Variants in ALG6 observed in about 807,000 individuals in gnomAD.
ALG6 encodes the protein ALG6 alpha-1,3-glucosyltransferase, also known as dolichyl pyrophosphate Man9GlcNAc2 alpha-1,3-glucosyltransferase.
In ALG6, 46 loss-of-function variants were observed where a neutral mutation model predicts 66.6. The observed-to-expected ratio is 0.69, with a 90% CI of 0.55 to 0.88. The LOEUF is 0.88. ALG6 is among the 40% of genes least tolerant of loss of function. The pLI is 0.00. For missense variants in ALG6, 505 were observed against 586.8 expected (o/e 0.86, Z 1.44); for synonymous variants, 185 against 203.7 (o/e 0.91, Z 0.78).
rs1644519272 is a variant in ALG6, at chr1:63,412,072, A to T, written c.816+11A>T. On this transcript the variant is annotated intron_variant, in intron 9 of 14. Coordinates refer to ENST00000263440, the MANE Select transcript of ALG6 (RefSeq NM_013339.4). ...CGTGGATTATTTGAGGCATGTTTAA[A>T]CACTTTCCTCTCCTTTCTGTTACTG... is the stretch of plus-strand genomic sequence containing the variant. 6.2e-7 allele frequency: 1 copy of T among 1,613,944 alleles called. No homozygotes were observed. Among genetic ancestry groups the T allele is most frequent in the Non-Finnish European group, 8.5e-7 (1 of 1,179,928 alleles).
intron 2 of ALG6, among the ~76,000 whole-genome samples, chr1:63,377,510 A>G (rs1348787481): frequency 6.6e-6 from 1 of 152,052 alleles, no homozygotes; most frequent in African/African-American, 2.4e-5. Flanking sequence ...TTCAGGACTT[A>G]TCTGGAAATT....
intron 2 of ALG6, among the ~76,000 whole-genome samples, chr1:63,388,740 T>G (rs1648580845): frequency 6.6e-6 from 1 of 152,242 alleles, no homozygotes; most frequent in Admixed American, 6.5e-5. Context: ...CTTTAGCATT[T>G]CTTGCAGGAT....
chr1:63,421,339 T>C (rs1161058275), intron 12 of ALG6, among the ~76,000 whole-genome samples: 3 of 152,100 alleles, frequency 2.0e-5, no homozygotes, highest in African/African-American at 7.2e-5. Context: ...CTGGAGAGTT[T>C]GTGGAGAAAT....
rs1557600108 is a variant in ALG6, at chr1:63,437,162, CAT to C, written c.*143_*144del. On this transcript the variant is annotated 3_prime_UTR_variant, in exon 15 of 15. Coordinates refer to ENST00000263440, the MANE Select transcript of ALG6 (RefSeq NM_013339.4). Reference sequence around the variant, plus strand: ...CACAGGAAAGGAAATGGTGAAAAGTCATTGTTGTCTACACAAAATAAATGTAT... The same window carrying C: ...CACAGGAAAGGAAATGGTGAAAAGTCTGTTGTCTACACAAAATAAATGTAT... The C allele has an allele frequency of 6.6e-6, 5 of 758,546 alleles. No homozygotes were observed. Among genetic ancestry groups the C allele is most frequent in the Non-Finnish European group, 1.1e-5 (5 of 469,216 alleles). The allele number at this position is 758,546 out of a possible 1,614,324, so 47.0% of individuals were successfully genotyped here.
intron 14 of ALG6, among the ~76,000 whole-genome samples, chr1:63,432,783 T>C (rs914668617): frequency 1.8e-4 from 27 of 152,236 alleles, no homozygotes; most frequent in Admixed American, 1.2e-3. Context: ...GTTGTTGTTG[T>C]TGAGACAGGA....
At chr1:63,409,321 AC>A (rs1048192221) in intron 7 of ALG6, among the ~76,000 whole-genome samples, 9 of 152,094 alleles carry the variant, frequency 5.9e-5, no homozygotes, top group Non-Finnish European at 1.2e-4. Flanking sequence ...GGTGTTTTTC[AC>A]AATTGTTTTG....
chr1:63,415,763 CTTAAG>C (rs1462771208), intron 10 of ALG6, 105 bp from the exon 11 acceptor site: 3 of 642,152 alleles, frequency 4.7e-6, no homozygotes, highest in Non-Finnish European at 7.8e-6. Context: ...TTGAAATAAA[CTTAAG>C]TTGATAAATA....
At chr1:63,387,530 C>CTTTTTT (rs1648535994) in intron 2 of ALG6, among the ~76,000 whole-genome samples, 1 of 60,186 alleles carries the variant, frequency 1.7e-5, no homozygotes, top group East Asian at 6.4e-4. Context: ...CTTTGTCTTT[C>CTTTTTT]TCTTTTTTTT....
At chr1:63,387,532 C>CTGTTTTTTT (rs780187352) in intron 2 of ALG6, among the ~76,000 whole-genome samples, 1 of 59,476 alleles carries the variant, frequency 1.7e-5, no homozygotes, top group Non-Finnish European at 3.0e-5. Flanking sequence ...TTGTCTTTCT[C>CTGTTTTTTT]TTTTTTTTTT....
intron 14 of ALG6, 70 bp from the exon 15 acceptor site, chr1:63,436,753 C>A: frequency 1.4e-6 from 2 of 1,441,458 alleles, no homozygotes; most frequent in Non-Finnish European, 1.9e-6. Context: ...TTAATAGCTA[C>A]AAGTCAATGT....
At chr1:63,405,926 C>T (rs1644487920) in intron 5 of ALG6, among the ~76,000 whole-genome samples, 1 of 151,434 alleles carries the variant, frequency 6.6e-6, no homozygotes, top group South Asian at 2.1e-4. Context: ...TCAATAAAGA[C>T]CAACATTTAA....
At chr1:63,391,917 T>C (rs1449407506) in intron 2 of ALG6, among the ~76,000 whole-genome samples, 1 of 152,200 alleles carries the variant, frequency 6.6e-6, no homozygotes, top group African/African-American at 2.4e-5. Context: ...TACCGTTTCT[T>C]GTAGAGATTC....
At chr1:63,400,723 T>G (rs1392851807) in intron 3 of ALG6, among the ~76,000 whole-genome samples, 2 of 152,104 alleles carry the variant, frequency 1.3e-5, no homozygotes, top group Non-Finnish European at 2.9e-5. Flanking sequence ...AAAATGTGAT[T>G]CTTGAATTAC....
chr1:63,422,137 A>ATATAACTATG (rs1157350278), intron 12 of ALG6, among the ~76,000 whole-genome samples: 1 of 56,048 alleles, frequency 1.8e-5, no homozygotes, highest in African/African-American at 7.1e-5. Flanking sequence ...ATAAATATAT[A>ATATAACTATG]AATATATATA....
chr1:63,383,272 CCA>C (rs1648388513), intron 2 of ALG6, among the ~76,000 whole-genome samples: 1 of 151,978 alleles, frequency 6.6e-6, no homozygotes, highest in South Asian at 2.1e-4. Context: ...CAGGTGCTCA[CCA>C]CCATGCCTAG....
At chr1:63,399,805 TTTACTTAC>T (rs1406147854) in intron 3 of ALG6, among the ~76,000 whole-genome samples, 1 of 152,138 alleles carries the variant, frequency 6.6e-6, no homozygotes. Flanking sequence ...CCATTTTTTT[TTTACTTAC>T]TAAACATCTA....
In ALG6 at chr1:63,372,619, T is replaced by C. The variant is rs551351920; in HGVS notation, c.82+1560T>C. Among the ~76,000 whole-genome samples, 5 of 152,226 alleles carry C rather than the reference T, an allele frequency of 3.3e-5. No individual in the cohort carries two copies. The South Asian group carries it at 1.0e-3, about 32-fold the overall frequency. On this transcript the variant is annotated intron_variant, in intron 2 of 14. Coordinates refer to ENST00000263440, the MANE Select transcript of ALG6 (RefSeq NM_013339.4). ...AAATATCTGTATATATGTGTGTATA[T>C]AGCAAATGTGTATGTAGAGAATAAA... is the stretch of plus-strand genomic sequence containing the variant.
At chr1:63,427,996 G>A (rs771932723) in intron 12 of ALG6, among the ~76,000 whole-genome samples, 3 of 151,788 alleles carry the variant, frequency 2.0e-5, no homozygotes, top group African/African-American at 7.3e-5. Flanking sequence ...TTTTAGTAGC[G>A]ATGGGGTTTC....
At chr1:63,432,303 G>A (rs1644650258) in intron 14 of ALG6, among the ~76,000 whole-genome samples, 1 of 149,322 alleles carries the variant, frequency 6.7e-6, no homozygotes, top group Non-Finnish European at 1.5e-5. Flanking sequence ...TTCATTGATT[G>A]ATTTTTGTAT....
Sources: gnomAD v4.1 joint callset for allele counts (sites outside exome capture counted in the v4.1 genomes callset) on GRCh38, gnomAD v4.1.1 for gene constraint, MANE v1.5 for transcripts, NCBI Gene and HGNC (gene_info 2026-07-23, HGNC 2026-07-21) for gene names.